ARID1B: variants seen among roughly 807,000 people sequenced by gnomAD.
ARID1B encodes AT-rich interactive domain-containing protein 1B.
In ARID1B, 30 loss-of-function variants were observed where a neutral mutation model predicts 212.3. That is an observed-to-expected ratio of 0.14 (90% CI 0.11 to 0.19). The LOEUF is 0.19. Ranked by LOEUF, ARID1B falls within the 10% of genes least tolerant of loss-of-function variation. The pLI, the probability that ARID1B is intolerant of heterozygous loss-of-function variation, is 1.00. For synonymous variants in ARID1B, 1,402 were observed against 1,301.7 expected (o/e 1.08, Z -1.66); for missense variants, 2,891 against 3,204.0 (o/e 0.90, Z 2.36).
intron 5 of ARID1B, among the ~76,000 whole-genome samples, chr6:157,091,313 A>G (rs575334235): frequency 6.6e-5 from 10 of 152,262 alleles, no homozygotes; most frequent in African/African-American, 2.4e-4. Context: ...TAAATATGGA[A>G]AAGAACTGTT....
chr6:156,964,351 C>T (rs1794599664), intron 4 of ARID1B, among the ~76,000 whole-genome samples: 1 of 152,250 alleles, frequency 6.6e-6, no homozygotes. Flanking sequence ...TTAGAGACCA[C>T]TCTGTTTATC....
At chr6:157,025,209 A>G (rs1780583407) in intron 4 of ARID1B, among the ~76,000 whole-genome samples, 1 of 152,246 alleles carries the variant, frequency 6.6e-6, no homozygotes. Context: ...ATTTAACTCT[A>G]TATTCTAGAA....
chr6:157,033,331 C>T (rs1459969436), intron 4 of ARID1B, among the ~76,000 whole-genome samples: 1 of 152,080 alleles, frequency 6.6e-6, no homozygotes, highest in African/African-American at 2.4e-5. Flanking sequence ...TATAAATGAG[C>T]ATTATTTCTC....
At chr6:157,099,656 C>A (rs1188914745) in intron 5 of ARID1B, among the ~76,000 whole-genome samples, 2 of 152,202 alleles carry the variant, frequency 1.3e-5, no homozygotes, top group Admixed American at 1.3e-4. Context: ...ATCATACTCA[C>A]TTCTGTTTTC....
chr6:157,107,473 G>A (rs1339602493), intron 5 of ARID1B, among the ~76,000 whole-genome samples: 3 of 152,044 alleles, frequency 2.0e-5, no homozygotes, highest in Admixed American at 2.0e-4. Context: ...ATAAAAATAC[G>A]TTTTTAAGAA....
intron 1 of ARID1B, 31 bp downstream of exon 1, chr6:156,779,502 G>T: frequency 1.5e-6 from 2 of 1,297,542 alleles, no homozygotes; most frequent in South Asian, 4.1e-5. Context: ...GCCTGCTTCC[G>T]CCCGGCGGCC....
At chr6:157,091,633 C>G (rs1785290399) in intron 5 of ARID1B, among the ~76,000 whole-genome samples, 1 of 152,150 alleles carries the variant, frequency 6.6e-6, no homozygotes, top group Admixed American at 6.5e-5. Flanking sequence ...AAGATTAGTA[C>G]CTATCAGATG....
intron 4 of ARID1B, among the ~76,000 whole-genome samples, chr6:157,044,453 A>G (rs1782090491): frequency 6.6e-6 from 1 of 152,224 alleles, no homozygotes; most frequent in Non-Finnish European, 1.5e-5. Flanking sequence ...GATTTATCAT[A>G]CTGGCTAAGG....
intron 1 of ARID1B, among the ~76,000 whole-genome samples, chr6:156,808,905 GTCT>G (rs1214273563): frequency 6.6e-6 from 1 of 152,178 alleles, no homozygotes; most frequent in African/African-American, 2.4e-5. Context: ...TGGGAGAAAT[GTCT>G]TAAGATTTGT....
At chr6:156,801,412 G>A (rs1283289394) in intron 1 of ARID1B, among the ~76,000 whole-genome samples, 5 of 151,842 alleles carry the variant, frequency 3.3e-5, no homozygotes, top group African/African-American at 1.2e-4. Flanking sequence ...TCTTGGCTGG[G>A]CTGGTCTTGA....
intron 5 of ARID1B, among the ~76,000 whole-genome samples, chr6:157,086,916 CGGAGAGCACAA>C (rs1554295039): frequency 1.3e-5 from 2 of 152,202 alleles, no homozygotes; most frequent in Non-Finnish European, 2.9e-5. Context: ...TGCGTGCGGA[CGGAGAGCACAA>C]GGATCTCACT....
At chr6:157,069,190 A>G (rs1257885711) in intron 4 of ARID1B, among the ~76,000 whole-genome samples, 3 of 152,118 alleles carry the variant, frequency 2.0e-5, no homozygotes, top group Non-Finnish European at 4.4e-5. Context: ...GATGATGTCT[A>G]GTTTGGCTAA....
intron 6 of ARID1B, among the ~76,000 whole-genome samples, chr6:157,123,765 C>T (rs916621892): frequency 6.6e-6 from 1 of 152,230 alleles, no homozygotes; most frequent in Non-Finnish European, 1.5e-5. Flanking sequence ...ATTTATTAAA[C>T]CTCTAGTGTG....
Position 157,190,019 on chromosome 6 carries a change from A to T in ARID1B, c.4059-19A>T, listed in dbSNP as rs1311808825. The T allele has an allele frequency of 1.2e-5, 19 of 1,611,708 alleles. No homozygotes were observed. In the East Asian group the frequency reaches 1.3e-4, roughly 11 times the overall value. On this transcript the variant is annotated intron_variant, in intron 14 of 19. Transcript: ENST00000636930. This position sits in a 1 kb window ranked among gnomAD's most constrained non-coding sequence, Gnocchi z 4.6. Reference sequence around the variant, plus strand: ...ACTCCTGCTGTATCATTAAGCTTTCATTCTTTGCCTCTCTTCAGAAGCAGT... The same window carrying T: ...ACTCCTGCTGTATCATTAAGCTTTCTTTCTTTGCCTCTCTTCAGAAGCAGT...
At chr6:156,852,377 G>A (rs906651368) in intron 2 of ARID1B, among the ~76,000 whole-genome samples, 1 of 151,904 alleles carries the variant, frequency 6.6e-6, no homozygotes. Context: ...GAGCTCAGGA[G>A]TTTGAGGTTA....
intron 4 of ARID1B, among the ~76,000 whole-genome samples, chr6:157,007,726 G>GT (rs34711541): frequency 0.049 from 6,792 of 138,378 alleles, 406 homozygotes; most frequent in African/African-American, 0.15. Context: ...GCCCTAAGTT[G>GT]TTTTTTTTTT....
chr6:156,874,510 C>A (rs1448965888), intron 2 of ARID1B, among the ~76,000 whole-genome samples: 1 of 152,174 alleles, frequency 6.6e-6, no homozygotes, highest in South Asian at 2.1e-4. Context: ...GGCTCAAGGC[C>A]TGGCATGCAT....
At chr6:157,022,526 T>C (rs377036698) in intron 4 of ARID1B, 1 of 152,206 alleles carries the variant, frequency 6.6e-6, no homozygotes, top group Non-Finnish European at 1.5e-5. Flanking sequence ...TTGCAGGTGT[T>C]TTAGGTAGGA....
chr6:156,791,084 C>T (rs1779980209), intron 1 of ARID1B, among the ~76,000 whole-genome samples: 1 of 152,134 alleles, frequency 6.6e-6, no homozygotes, highest in South Asian at 2.1e-4. Context: ...AGTCTAAATA[C>T]CCTTTCCCAG....
Sources: gnomAD v4.1 joint callset for allele counts (sites outside exome capture counted in the v4.1 genomes callset) on GRCh38, gnomAD v4.1.1 for gene constraint, Gnocchi (gnomAD v3.1) non-coding constraint, MANE v1.5 for transcripts, NCBI Gene and HGNC (gene_info 2026-07-23, HGNC 2026-07-21) for gene names.